The following ARIH1 variants were observed in gnomAD, a reference collection of about 807,000 sequenced individuals.
The protein encoded by ARIH1 is E3 ubiquitin-protein ligase ARIH1.
A neutral mutation model predicts 85.0 loss-of-function variants in ARIH1; 8 were observed. The ratio of observed to expected loss-of-function variants is 0.09; its 90% confidence interval spans 0.06 to 0.17. The LOEUF (loss-of-function observed/expected upper bound fraction) is 0.17, where lower values mean the gene tolerates loss of function less well. ARIH1 is among the 10% of genes least tolerant of loss of function. ARIH1 has a pLI of 1.00. For synonymous variants in ARIH1, 238 were observed against 253.6 expected, an observed-to-expected ratio of 0.94 and a Z score of 0.59; for missense variants, 311 against 718.1, an observed-to-expected ratio of 0.43 and a Z score of 6.48.
At chr15:72,558,309 T>C (rs546044704) in intron 5 of ARIH1, among the ~76,000 whole-genome samples, 1 of 152,336 alleles carries the variant, frequency 6.6e-6, no homozygotes, top group Admixed American at 6.5e-5. Flanking sequence ...TTTTTAATTC[T>C]GTTTATGTGG....
At chr15:72,563,594 T>A in intron 7 of ARIH1, 94 bp downstream of exon 7, 1 of 1,039,766 alleles carries the variant, frequency 9.6e-7, no homozygotes. Context: ...AAAAAGTGTT[T>A]ACCTTAGGCA....
chr15:72,513,871 A>C (rs1219675082), intron 1 of ARIH1, among the ~76,000 whole-genome samples: 7 of 108,626 alleles, frequency 6.4e-5, no homozygotes, highest in Middle Eastern at 4.9e-3. Context: ...CCTTCCCTCT[A>C]CCCCCCGCCC....
rs866522515 is a variant in ARIH1, at chr15:72,594,713, T to A, written c.*11421T>A. On this transcript the variant is annotated 3_prime_UTR_variant, in exon 14 of 14. Transcript: ENST00000379887. ...TAAATTCATTTATTCTAGAAATAGT[T>A]CTTGTAGACTCCGTAGAGTTTTATA... 2 of 152,114 alleles carry A rather than the reference T, an allele frequency of 1.3e-5. No homozygotes were observed. Among genetic ancestry groups the A allele is most frequent in the African/African-American group, 2.4e-5 (1 of 41,444 alleles). 9.4% of individuals were successfully genotyped at this position (152,114 alleles called of 1,614,324 possible). A position where few individuals can be genotyped will look rare whatever the true frequency, so the allele number is the denominator to read the frequency against.
In ARIH1 at chr15:72,518,200, C is replaced by T. The variant is rs1234726845; in HGVS notation, c.443+66C>T. ...CAGAAAGCCTATTGAACCGAATTTACAAGAATCAAGTAAGGGAATTGATGA... is the reference window on the plus strand; with the variant it reads ...CAGAAAGCCTATTGAACCGAATTTATAAGAATCAAGTAAGGGAATTGATGA... On this transcript the variant is annotated intron_variant, in intron 2 of 13. Coordinates refer to ENST00000379887, the MANE Select transcript of ARIH1 (RefSeq NM_005744.5). 5.2e-6 allele frequency: 7 copies of T among 1,342,966 alleles called. No homozygotes were observed. The Admixed American group carries it at 7.9e-5, about 15-fold the overall frequency. The allele number at this position is 1,342,966 out of a possible 1,614,324, so 83.2% of individuals were successfully genotyped here.
chr15:72,486,693 A>AATTTTT (rs2063838774), intron 1 of ARIH1, among the ~76,000 whole-genome samples: 1 of 68,568 alleles, frequency 1.5e-5, no homozygotes, highest in Non-Finnish European at 3.3e-5. Context: ...TTTAAAAATG[A>AATTTTT]CTTTTTTTTT....
At chr15:72,479,599 G>A (rs2063807363) in intron 1 of ARIH1, among the ~76,000 whole-genome samples, 1 of 152,032 alleles carries the variant, frequency 6.6e-6, no homozygotes, top group Non-Finnish European at 1.5e-5. Flanking sequence ...AGTAGAGACT[G>A]GGTTTCACCA....
chr15:72,494,828 A>G (rs950668286), intron 1 of ARIH1, among the ~76,000 whole-genome samples: 9 of 9,430 alleles, frequency 9.5e-4, no homozygotes, highest in East Asian at 0.5. Context: ...ATTATTAGGA[A>G]AAAAAAAAAA....
intron 1 of ARIH1, among the ~76,000 whole-genome samples, chr15:72,480,162 C>A (rs1264418748): frequency 6.6e-6 from 1 of 152,108 alleles, no homozygotes; most frequent in Non-Finnish European, 1.5e-5. Context: ...AGCCACCGTG[C>A]CCGGTCAACA....
chr15:72,575,184 C>A (rs559342075), intron 11 of ARIH1, among the ~76,000 whole-genome samples: 1 of 152,156 alleles, frequency 6.6e-6, no homozygotes, highest in East Asian at 1.9e-4. Context: ...GTTTGTATAC[C>A]CCTGTTCTAA....
chr15:72,546,710 T>A (rs1378831338), intron 3 of ARIH1, among the ~76,000 whole-genome samples: 1 of 151,926 alleles, frequency 6.6e-6, no homozygotes, highest in East Asian at 1.9e-4. Flanking sequence ...GTTTTTTTTG[T>A]AGAGACGGGG....
chr15:72,518,205 A>G, intron 2 of ARIH1, 71 bp downstream of exon 2: 3 of 1,322,216 alleles, frequency 2.3e-6, no homozygotes, highest in Non-Finnish European at 3.2e-6. Context: ...ATTTACAAGA[A>G]TCAAGTAAGG....
chr15:72,524,462 C>T (rs1432083169), intron 2 of ARIH1, among the ~76,000 whole-genome samples: 1 of 152,170 alleles, frequency 6.6e-6, no homozygotes, highest in Non-Finnish European at 1.5e-5. Context: ...GATCCGCCCA[C>T]CTTGGCCTCC....
chr15:72,575,218 C>T (rs1288413580), intron 11 of ARIH1, among the ~76,000 whole-genome samples: 2 of 152,156 alleles, frequency 1.3e-5, no homozygotes, highest in Non-Finnish European at 2.9e-5. Context: ...TTGTCTTTTC[C>T]ACGCTCCCCA....
intron 1 of ARIH1, among the ~76,000 whole-genome samples, chr15:72,480,756 G>T (rs546970612): frequency 6.6e-6 from 1 of 152,026 alleles, no homozygotes; most frequent in South Asian, 2.1e-4. Context: ...TAGAGATGGG[G>T]GTTTCTCCAT....
chr15:72,563,263 TGCCCGGGCTGGTCTGG>T, intron 6 of ARIH1, 115 bp from the exon 7 acceptor site: 1 of 670,374 alleles, frequency 1.5e-6, no homozygotes, highest in Non-Finnish European at 2.6e-6. Flanking sequence ...CTTGCTATGT[TGCCCGGGCTGGTCTGG>T]AGTGCTTGAC....
chr15:72,475,108 G>T (rs2063789111), intron 1 of ARIH1, 94 bp downstream of exon 1: 2 of 1,496,174 alleles, frequency 1.3e-6, no homozygotes. Context: ...TGGGCCTGGT[G>T]CGCAGCCTAG....
chr15:72,522,501 CAG>C (rs1354305162), intron 2 of ARIH1, among the ~76,000 whole-genome samples: 4 of 151,602 alleles, frequency 2.6e-5, no homozygotes, highest in Non-Finnish European at 5.9e-5. Flanking sequence ...GCCTGGGCAA[CAG>C]AGTGAGACTC....
chr15:72,538,624 C>A (rs1237687373), intron 2 of ARIH1, among the ~76,000 whole-genome samples: 2 of 152,214 alleles, frequency 1.3e-5, no homozygotes, highest in Admixed American at 6.5e-5. Context: ...CCTCTCTCCT[C>A]AACCAGACAT....
In ARIH1 at chr15:72,599,404, C is replaced by T. The variant is rs1361376817; in HGVS notation, c.*16112C>T. On this transcript the variant is annotated 3_prime_UTR_variant, in exon 14 of 14. Transcript: ENST00000379887. ...GAATCATAAAGAAAAGCAACACCTT[C>T]CCATCTTAACTCCCCTAGTGCCTCT... 2.0e-5 allele frequency: 3 copies of T among 152,214 alleles called. No individual in the cohort carries two copies. Among genetic ancestry groups the T allele is most frequent in the Non-Finnish European group, 4.4e-5 (3 of 68,036 alleles). The allele number at this position is 152,214 out of a possible 1,614,324, so 9.4% of individuals were successfully genotyped here.
Sources: gnomAD v4.1 joint callset for allele counts (sites outside exome capture counted in the v4.1 genomes callset) on GRCh38, gnomAD v4.1.1 for gene constraint, MANE v1.5 for transcripts, NCBI Gene and HGNC (gene_info 2026-07-23, HGNC 2026-07-21) for gene names.